The following KMT2C variants were observed in gnomAD, a reference collection of about 807,000 sequenced individuals.
The protein encoded by KMT2C is histone-lysine N-methyltransferase 2C.
Under a neutral mutation model 507.9 loss-of-function variants are expected in KMT2C, and 88 were observed. The observed-to-expected ratio is 0.17, with a 90% CI of 0.15 to 0.21. The LOEUF is 0.21. Ranked by LOEUF, KMT2C falls within the 10% of genes least tolerant of loss-of-function variation. The probability of loss-of-function intolerance (pLI) is 1.00; values close to 1 mark genes in which losing one functional copy is unlikely to be tolerated. For synonymous variants in KMT2C, 2,049 were observed against 2,080.8 expected, an observed-to-expected ratio of 0.98 and a Z score of 0.42; for missense variants, 4,954 against 5,957.8, an observed-to-expected ratio of 0.83 and a Z score of 5.55.
chr7:152,371,869 C>T (rs1160603603), intron 1 of KMT2C, among the ~76,000 whole-genome samples: 4 of 152,070 alleles, frequency 2.6e-5, no homozygotes, highest in African/African-American at 9.7e-5. Context: ...CTGCCTTGGC[C>T]TCCCTAAGTG....
At position 152,182,480 on chromosome 7, in the gene KMT2C, G is replaced by A. The variant is rs745398347; in HGVS notation, c.5380C>T (p.Leu1794=). ...GGTGTATCTGAACCAGACTGCACCAGAAGATGCTGAGAACCAAATTGCTGT... is the reference window on the plus strand; with the variant it reads ...GGTGTATCTGAACCAGACTGCACCAAAAGATGCTGAGAACCAAATTGCTGT... ...QQQQFGSQHL[L]VQSGSDTPSS... Residue 1794 remains leucine, a synonymous_variant, in exon 36 of 59, where the codon CTG becomes TTG. Coordinates refer to ENST00000262189, the MANE Select transcript of KMT2C (RefSeq NM_170606.3). The A allele has an allele frequency of 1.2e-6, 2 of 1,614,150 alleles. No individual in the cohort carries two copies. Among genetic ancestry groups the A allele is most frequent in the East Asian group, 4.5e-5 (2 of 44,884 alleles).
At chr7:152,200,590 C>T (rs2094107375) in intron 26 of KMT2C, among the ~76,000 whole-genome samples, 1 of 152,008 alleles carries the variant, frequency 6.6e-6, no homozygotes, top group Non-Finnish European at 1.5e-5. Context: ...ATTAGCCAGG[C>T]ATGCGCCAAC....
At chr7:152,160,284 G>A (rs771974761) in intron 43 of KMT2C, among the ~76,000 whole-genome samples, 12 of 152,172 alleles carry the variant, frequency 7.9e-5, no homozygotes, top group African/African-American at 1.4e-4. Flanking sequence ...TCTCCAGGGC[G>A]GCAGCAGCAT....
rs529129704 is a variant in KMT2C, at chr7:152,314,239, AT to A, written c.590+898del. Reference sequence around the variant, plus strand: ...CAGTTCAAAACAATGAGCCAATCAAATAAGTACAACACAACAATGATTTAGT... The same window carrying A: ...CAGTTCAAAACAATGAGCCAATCAAAAAGTACAACACAACAATGATTTAGT... On this transcript the variant is annotated intron_variant, in intron 4 of 58. Transcript: ENST00000262189. Among the ~76,000 whole-genome samples the A allele has an allele frequency of 5.5e-4, 83 of 152,162 alleles. 1 individual carries two copies. The highest frequency in any genetic ancestry group is 2.9e-4 in the Non-Finnish European group (20 of 68,006).
intron 15 of KMT2C, among the ~76,000 whole-genome samples, chr7:152,236,344 C>T (rs1481715478): frequency 6.6e-6 from 1 of 152,212 alleles, no homozygotes; most frequent in African/African-American, 2.4e-5. Flanking sequence ...TAATAGCTAA[C>T]ATCTATTGAG....
At chr7:152,413,240 G>A (rs988645409) in intron 1 of KMT2C, among the ~76,000 whole-genome samples, 4 of 151,928 alleles carry the variant, frequency 2.6e-5, no homozygotes, top group African/African-American at 7.3e-5. Context: ...TCAGCCTCCC[G>A]AGTAGCTGGG....
chr7:152,385,611 C>CAAAAAAAAAAAAACAAAAAAAAAAAA (rs2097418766), intron 1 of KMT2C, among the ~76,000 whole-genome samples: 1 of 19,440 alleles, frequency 5.1e-5, no homozygotes, highest in Non-Finnish European at 7.2e-5. Context: ...GACTCCGTCT[C>CAAAAAAAAAAAAACAAAAAAAAAAAA]AAAAAAAAAA....
Position 152,224,537 on chromosome 7 carries a change from G to A in KMT2C, c.3056C>T (p.Pro1019Leu), listed in dbSNP as rs2094870838. 1 of 1,611,074 alleles carries A rather than the reference G, an allele frequency of 6.2e-7. No individual in the cohort carries two copies. The highest frequency in any genetic ancestry group is 1.7e-5 in the Admixed American group (1 of 59,984). ...GTCATCACACAGCAGGAGTCTTCCTGGGTCAGTTGCCTTCCCACAGGCCTC... is the reference window on the plus strand; with the variant it reads ...GTCATCACACAGCAGGAGTCTTCCTAGGTCAGTTGCCTTCCCACAGGCCTC... ...VCEACGKATDPGRLLLCDDCD... is the reference protein window; with the variant it reads ...VCEACGKATDLGRLLLCDDCD... Residue 1019 changes from proline (P) to leucine (L), a missense_variant, in exon 19 of 59, where the codon CCA (proline) becomes CTA (leucine). Coordinates refer to ENST00000262189, the MANE Select transcript of KMT2C (RefSeq NM_170606.3).
chr7:152,180,053 G>A lies in KMT2C; in HGVS notation c.7223C>T (p.Ser2408Leu), dbSNP rs2129118247. ...KKIAGRQEKG[S>L]QDSPAVPHPG... is the part of the protein sequence containing the mutation. ...ATGAGGCACTGCGGGTGAGTCCTGT[G>A]ACCCCTTCTCCTGTCGACCTGCAAT... The change falls in exon 37 of 59, where the codon TCA becomes TTA. Residue 2408 changes from serine (S) to leucine (L), a missense_variant. By Grantham distance (145) the Ser-to-Leu change is moderately radical (BLOSUM62 -2). This residue lies in a region of KMT2C where 1,689 missense variants were observed against 1,654.3 expected (regional missense o/e 1.02). Transcript: ENST00000262189. 1 of 1,614,160 alleles carries A rather than the reference G, an allele frequency of 6.2e-7. No individual in the cohort carries two copies. Among genetic ancestry groups the A allele is most frequent in the South Asian group, 1.1e-5 (1 of 91,080 alleles).
At chr7:152,369,267 G>A (rs1240998372) in intron 1 of KMT2C, among the ~76,000 whole-genome samples, 1 of 150,880 alleles carries the variant, frequency 6.6e-6, no homozygotes, top group Non-Finnish European at 1.5e-5. Context: ...AGACTGCAGT[G>A]AACCAAGATC....
intron 23 of KMT2C, among the ~76,000 whole-genome samples, chr7:152,217,124 T>C (rs149911356): frequency 3.8e-4 from 58 of 152,274 alleles, no homozygotes; most frequent in African/African-American, 1.3e-3. Context: ...CAAAACACGT[T>C]AGTGAAACAG....
intron 42 of KMT2C, among the ~76,000 whole-genome samples, chr7:152,165,128 G>A (rs1421584287): frequency 1.3e-5 from 2 of 152,182 alleles, no homozygotes; most frequent in African/African-American, 4.8e-5. Flanking sequence ...TTAGAACTGA[G>A]AAATTACCAT....
chr7:152,325,852 G>C (rs1419042702), intron 3 of KMT2C, among the ~76,000 whole-genome samples: 1 of 151,126 alleles, frequency 6.6e-6, no homozygotes, highest in East Asian at 1.9e-4. Context: ...TTATTAATTT[G>C]CTTCTCACGT....
In KMT2C at chr7:152,158,115, C is replaced by T. The variant is rs369913899; in HGVS notation, c.11670+748G>A. Among the ~76,000 whole-genome samples, 63 of 152,320 alleles carry T rather than the reference C, an allele frequency of 4.1e-4. 1 individual carries two copies. Among genetic ancestry groups the T allele is most frequent in the African/African-American group, 1.5e-3 (61 of 41,564 alleles). Reference sequence around the variant, plus strand: ...TTGAGACTTAAAAATAAGCTCTGTACTAAATGAATGCTGCCAGGCATCTAA... The same window carrying T: ...TTGAGACTTAAAAATAAGCTCTGTATTAAATGAATGCTGCCAGGCATCTAA... On this transcript the variant is annotated intron_variant, in intron 44 of 58. Coordinates refer to ENST00000262189, the MANE Select transcript of KMT2C (RefSeq NM_170606.3).
rs544942012 is a variant in KMT2C, at chr7:152,261,627, T to A, written c.1299+1389A>T. On this transcript the variant is annotated intron_variant, in intron 9 of 58. Transcript: ENST00000262189. Reference sequence around the variant, plus strand: ...ATATTCGGTAAGGTATATACATACATAAAGTTACAAATACAATAAATTTGG... The same window carrying A: ...ATATTCGGTAAGGTATATACATACAAAAAGTTACAAATACAATAAATTTGG... 1.6e-4 allele frequency among the ~76,000 whole-genome samples: 24 copies of A among 152,270 alleles called. No individual in the cohort carries two copies. The South Asian group carries it at 2.7e-3, about 17-fold the overall frequency.
intron 43 of KMT2C, among the ~76,000 whole-genome samples, chr7:152,159,983 G>C (rs888291038): frequency 3.3e-5 from 5 of 152,170 alleles, no homozygotes; most frequent in African/African-American, 1.2e-4. Context: ...AATATTGTAA[G>C]CCTCTGTAGG....
intron 1 of KMT2C, among the ~76,000 whole-genome samples, chr7:152,405,373 T>C (rs10278748): frequency 1.9e-4 from 28 of 151,268 alleles, no homozygotes; most frequent in African/African-American, 6.2e-4. Context: ...GCCTCCCAAG[T>C]AGCTGGGATT....
intron 7 of KMT2C, among the ~76,000 whole-genome samples, chr7:152,272,307 A>G (rs1218715550): frequency 6.6e-6 from 1 of 152,234 alleles, no homozygotes; most frequent in African/African-American, 2.4e-5. Flanking sequence ...AGTAGAAAGT[A>G]GCACTGCCAT....
rs1588011700 is a variant in KMT2C at position 152,182,836 on chromosome 7, T to G, written c.5265+138A>C. The G allele has an allele frequency of 4.5e-6, 3 of 673,934 alleles. No homozygotes were observed. In the South Asian group the frequency reaches 7.6e-5, roughly 17 times the overall value. The allele number at this position is 673,934 out of a possible 1,614,324, so 41.7% of individuals were successfully genotyped here. On this transcript the variant is annotated intron_variant, in intron 35 of 58. Transcript: ENST00000262189. The stretch of plus-strand genomic sequence containing the variant: ...TTCTCAAATCAATTTAAATATATTT[T>G]ACTGAAAAGAGAAACAAGTCTATCC...
Sources: allele counts gnomAD v4.1 joint callset (sites outside exome capture counted in the v4.1 genomes callset), GRCh38; gene constraint gnomAD v4.1.1; regional missense constraint gnomAD v4.1.1; transcripts MANE v1.5; gene names NCBI Gene and HGNC (gene_info 2026-07-23, HGNC 2026-07-21).